ZNF385D: variants seen among roughly 807,000 people sequenced by gnomAD.
ZNF385D encodes zinc finger protein 659.
Under a neutral mutation model 35.8 loss-of-function variants are expected in ZNF385D, and 15 were observed. That is an observed-to-expected ratio of 0.42 (90% confidence interval 0.28 to 0.64). ZNF385D has a LOEUF of 0.64. Ranked by LOEUF, ZNF385D falls within the 30% of genes least tolerant of loss-of-function variation. ZNF385D has a pLI of 0.23. For synonymous variants in ZNF385D, 212 were observed against 186.8 expected (o/e 1.13, Z -1.10); for missense variants, 474 against 494.6 (o/e 0.96, Z 0.39).
At chr3:21,598,142 G>A (rs2064176891) in intron 2 of ZNF385D, among the ~76,000 whole-genome samples, 1 of 152,146 alleles carries the variant, frequency 6.6e-6, no homozygotes, top group Admixed American at 6.6e-5. Context: ...GAGTCTTAGA[G>A]AAACGCATCC....
Position 22,246,945 on chromosome 3 carries a change from A to G in ZNF385D, c.107-77910T>C, listed in dbSNP as rs796844756. On this transcript the variant is annotated intron_variant, in intron 2 of 5. Transcript: ENST00000494108. ...TTATTGTACCTTTTGTCAATCATAC[A>G]TACGTGCACACACACAATTTCAATT... 1.1e-3 allele frequency among the ~76,000 whole-genome samples: 167 copies of G among 152,152 alleles called. 1 individual carries two copies. Among genetic ancestry groups the G allele is most frequent in the African/African-American group, 3.8e-3 (157 of 41,452 alleles).
chr3:22,335,521 A>G (rs989245430), intron 2 of ZNF385D, among the ~76,000 whole-genome samples: 1 of 152,130 alleles, frequency 6.6e-6, no homozygotes, highest in African/African-American at 2.4e-5. Flanking sequence ...TCTTTTAACA[A>G]AAGCCTAAAT....
At chr3:22,137,381 T>C (rs1704208624) in intron 3 of ZNF385D, among the ~76,000 whole-genome samples, 1 of 152,100 alleles carries the variant, frequency 6.6e-6, no homozygotes, top group South Asian at 2.1e-4. Context: ...AAGAGAATTT[T>C]AGACCAATAT....
intron 2 of ZNF385D, among the ~76,000 whole-genome samples, chr3:22,262,505 C>G (rs1700685140): frequency 6.6e-6 from 1 of 151,850 alleles, no homozygotes; most frequent in Non-Finnish European, 1.5e-5. Context: ...GCCTTAGGGA[C>G]ATGTATTTTC....
intron 3 of ZNF385D, among the ~76,000 whole-genome samples, chr3:21,900,824 C>T (rs1217888396): frequency 1.3e-5 from 2 of 152,166 alleles, no homozygotes; most frequent in Non-Finnish European, 2.9e-5. Flanking sequence ...CTGACTTTGG[C>T]CTTGCACTGG....
chr3:21,455,238 T>C (rs1214123992), intron 4 of ZNF385D, among the ~76,000 whole-genome samples: 2 of 152,166 alleles, frequency 1.3e-5, no homozygotes, highest in East Asian at 3.8e-4. Context: ...AAAACTATTG[T>C]AAAGTTCATA....
chr3:21,949,386 C>T (rs1187396032), intron 3 of ZNF385D, among the ~76,000 whole-genome samples: 1 of 151,964 alleles, frequency 6.6e-6, no homozygotes, highest in African/African-American at 2.4e-5. Flanking sequence ...CCTTTTCCAT[C>T]CCATCGGTTG....
intron 3 of ZNF385D, among the ~76,000 whole-genome samples, chr3:21,778,244 C>G (rs1206487750): frequency 6.6e-6 from 1 of 151,892 alleles, no homozygotes; most frequent in Non-Finnish European, 1.5e-5. Context: ...AGACGTGCCT[C>G]TCACTGGAAG....
At chr3:22,128,959 T>C (rs758798711) in intron 3 of ZNF385D, among the ~76,000 whole-genome samples, 2 of 152,164 alleles carry the variant, frequency 1.3e-5, no homozygotes, top group Non-Finnish European at 2.9e-5. Context: ...ATACCTGTCC[T>C]ACTTGAGAAG....
intron 3 of ZNF385D, among the ~76,000 whole-genome samples, chr3:21,760,592 T>C (rs577150630): frequency 6.6e-6 from 1 of 152,338 alleles, no homozygotes; most frequent in African/African-American, 2.4e-5. Context: ...TGAGAAACTG[T>C]TTTAAACTCT....
chr3:22,149,391 T>C (rs1337570571), intron 3 of ZNF385D, among the ~76,000 whole-genome samples: 1 of 152,190 alleles, frequency 6.6e-6, no homozygotes, highest in Non-Finnish European at 1.5e-5. Flanking sequence ...CTATTTAATG[T>C]TAAAATTATT....
intron 3 of ZNF385D, among the ~76,000 whole-genome samples, chr3:22,068,963 A>C (rs1421503176): frequency 6.6e-6 from 1 of 152,190 alleles, no homozygotes; most frequent in African/African-American, 2.4e-5. Context: ...TTACATATCC[A>C]GGTGCTATCT....
rs568598565 is a variant in ZNF385D, at chr3:21,454,136, T to C, written c.440-16933A>G. Among the ~76,000 whole-genome samples the C allele has an allele frequency of 7.1e-4, 108 of 152,040 alleles. 2 individuals carry two copies. The highest frequency in any genetic ancestry group is 2.5e-3 in the African/African-American group (105 of 41,486). On this transcript the variant is annotated intron_variant, in intron 4 of 7. Transcript: ENST00000281523. ...TGTATGATTCCATTTATACGAAACATCCAGAATAAGAACATTCATAGAGAC... is the reference window on the plus strand; with the variant it reads ...TGTATGATTCCATTTATACGAAACACCCAGAATAAGAACATTCATAGAGAC...
intron 2 of ZNF385D, among the ~76,000 whole-genome samples, chr3:21,581,342 C>G (rs920977453): frequency 6.6e-6 from 1 of 152,166 alleles, no homozygotes; most frequent in Non-Finnish European, 1.5e-5. Flanking sequence ...AAGACTTCCT[C>G]TAGTCTCTAG....
At chr3:21,432,116 A>G (rs1380920808) in intron 5 of ZNF385D, among the ~76,000 whole-genome samples, 3 of 152,170 alleles carry the variant, frequency 2.0e-5, no homozygotes, top group South Asian at 2.1e-4. Flanking sequence ...TTTTGCCTCC[A>G]TTAGCTGTGT....
chr3:21,941,871 G>A (rs1469698990), intron 3 of ZNF385D, among the ~76,000 whole-genome samples: 1 of 151,998 alleles, frequency 6.6e-6, no homozygotes, highest in Non-Finnish European at 1.5e-5. Flanking sequence ...GCTCTATGAT[G>A]AAAAATAAAA....
At chr3:21,453,744 C>G (rs561871075) in intron 4 of ZNF385D, among the ~76,000 whole-genome samples, 1 of 151,884 alleles carries the variant, frequency 6.6e-6, no homozygotes, top group Non-Finnish European at 1.5e-5. Flanking sequence ...AAATTGAAAT[C>G]TTTGTATGTT....
chr3:21,953,048 G>A (rs1188699892), intron 3 of ZNF385D, among the ~76,000 whole-genome samples: 1 of 151,818 alleles, frequency 6.6e-6, no homozygotes, highest in African/African-American at 2.4e-5. Context: ...TTATTTTCCA[G>A]CTTTATGTGC....
At chr3:21,772,559 A>G (rs2071121623) in intron 3 of ZNF385D, among the ~76,000 whole-genome samples, 1 of 151,940 alleles carries the variant, frequency 6.6e-6, no homozygotes, top group African/African-American at 2.4e-5. Context: ...AAAGAAAATA[A>G]CGTATTGATG....
Sources: gnomAD v4.1 joint callset for allele counts (sites outside exome capture counted in the v4.1 genomes callset) on GRCh38, gnomAD v4.1.1 for gene constraint, MANE v1.5 for transcripts, NCBI Gene and HGNC (gene_info 2026-07-23, HGNC 2026-07-21) for gene names.